STIL: variants seen among roughly 807,000 people sequenced by gnomAD.
STIL encodes the protein SCL-interrupting locus protein.
Under a neutral mutation model 110.1 loss-of-function variants are expected in STIL, and 55 were observed. That is an observed-to-expected ratio of 0.50 (90% CI 0.40 to 0.63). The LOEUF (loss-of-function observed/expected upper bound fraction) is 0.63, where lower values mean the gene tolerates loss of function less well. Ranked by LOEUF, STIL falls within the 20% of genes least tolerant of loss-of-function variation. STIL has a pLI of 0.00. For missense variants in STIL, 1,358 were observed against 1,530.0 expected, an observed-to-expected ratio of 0.89 and a Z score of 1.87; for synonymous variants, 481 against 530.0, an observed-to-expected ratio of 0.91 and a Z score of 1.27.
intron 10 of STIL, among the ~76,000 whole-genome samples, chr1:47,285,359 AC>A (rs1344438881): frequency 6.6e-6 from 1 of 152,182 alleles, no homozygotes; most frequent in Non-Finnish European, 1.5e-5. Context: ...GATTTGCCAA[AC>A]CTTCACAAAC....
chr1:47,302,512 G>A lies in STIL; in HGVS notation c.153-166C>T, dbSNP rs144253309. ...GGCAGGGGATACGGAGGGCCACTTG[G>A]AAACTAGAATGGCAATAAACAGACA... is the stretch of plus-strand genomic sequence containing the variant. On this transcript the variant is annotated intron_variant, in intron 3 of 16. Coordinates refer to ENST00000371877, the MANE Select transcript of STIL (RefSeq NM_001048166.1). 4.2e-3 allele frequency among the ~76,000 whole-genome samples: 638 copies of A among 152,282 alleles called. 2 individuals are homozygous for A. Among genetic ancestry groups the A allele is most frequent in the African/African-American group, 0.015 (608 of 41,556 alleles).
chr1:47,306,411 G>A (rs1206346298), intron 2 of STIL, among the ~76,000 whole-genome samples: 4 of 151,944 alleles, frequency 2.6e-5, no homozygotes, highest in Admixed American at 6.6e-5. Flanking sequence ...GCACCACCAC[G>A]TGAGATTTAC....
rs139708051 is a variant in STIL, at chr1:47,293,772, C to CGA, written c.786-230_786-229dup. ...TATAGACAGACATATAGATATATAT[C>CGA]GAGAGAGAGAGAGAGAAAGAGAGCA... On this transcript the variant is annotated intron_variant, in intron 7 of 16. Coordinates refer to ENST00000371877, the MANE Select transcript of STIL (RefSeq NM_001048166.1). Among the ~76,000 whole-genome samples the CGA allele has an allele frequency of 1.7e-3, 257 of 149,656 alleles. 2 individuals carry two copies. Among genetic ancestry groups the CGA allele is most frequent in the Middle Eastern group, 6.8e-3 (2 of 292 alleles).
In STIL at chr1:47,263,071, G is replaced by T. The variant is rs1258865782; in HGVS notation, c.2661C>A (p.Phe887Leu). ...TTTCTGCCAGCTGGCCACTTGGAAAGAACACAGGTACATCAGGTTCTTTTC... is the reference window on the plus strand; with the variant it reads ...TTTCTGCCAGCTGGCCACTTGGAAATAACACAGGTACATCAGGTTCTTTTC... ...VVRKEPDVPVFFPSGQLAESV... is the reference protein window; with the variant it reads ...VVRKEPDVPVLFPSGQLAESV... The change falls in exon 15 of 17, where the codon TTC (phenylalanine) becomes TTA (leucine). Residue 887 changes from phenylalanine to leucine, a missense_variant. Transcript: ENST00000371877. 1 of 1,614,088 alleles carries T rather than the reference G, an allele frequency of 6.2e-7. No individual in the cohort carries two copies. The highest frequency in any genetic ancestry group is 1.3e-5 in the African/African-American group (1 of 74,938).
intron 3 of STIL, among the ~76,000 whole-genome samples, chr1:47,304,637 T>A (rs1416365409): frequency 1.3e-5 from 2 of 152,192 alleles, no homozygotes; most frequent in African/African-American, 2.4e-5. Flanking sequence ...ACTTTCAGTT[T>A]TTACTATATT....
rs769059620 is a variant in STIL, at chr1:47,263,089, T to C, written c.2643A>G (p.Glu881=). 7 of 1,614,166 alleles carry C rather than the reference T, an allele frequency of 4.3e-6. No homozygotes were observed. Among genetic ancestry groups the C allele is most frequent in the African/African-American group, 2.7e-5 (2 of 75,064 alleles). The change falls in exon 15 of 17, where the codon GAA becomes GAG. Residue 881 remains glutamate, a synonymous_variant. Coordinates refer to ENST00000371877, the MANE Select transcript of STIL (RefSeq NM_001048166.1). ...TTGGAAAGAACACAGGTACATCAGG[T>C]TCTTTTCTCACAACTAGAGAAGAGC... ...SNSSSLVVRK[E]PDVPVFFPSG...
chr1:47,258,991 G>GTTTTTT (rs1557704421), intron 16 of STIL, among the ~76,000 whole-genome samples: 1 of 36,230 alleles, frequency 2.8e-5, no homozygotes, highest in Non-Finnish European at 6.2e-5. Context: ...AAGTAACTTT[G>GTTTTTT]CTTTTTTTTT....
In STIL at chr1:47,302,274, A is replaced by ATTTT; in HGVS notation, c.221_224dup (p.Asn75LysfsTer17). 1 of 1,612,674 alleles carries ATTTT rather than the reference A, an allele frequency of 6.2e-7. No homozygotes were observed. Among genetic ancestry groups the ATTTT allele is most frequent in the Non-Finnish European group, 8.5e-7 (1 of 1,178,920 alleles). Reference sequence around the variant, plus strand: ...GAGAACCAAGTAAAAAGCATGACGAATTTTTTTTATTCTGCTTAGCATGAC... The same window carrying ATTTT: ...GAGAACCAAGTAAAAAGCATGACGAATTTTTTTTTTTTATTCTGCTTAGCATGAC... On this transcript the variant is annotated frameshift_variant, in exon 4 of 17. Coordinates refer to ENST00000371877, the MANE Select transcript of STIL (RefSeq NM_001048166.1). LOFTEE classifies it high-confidence loss of function.
At chr1:47,294,995 C>T (rs879823528) in intron 7 of STIL, among the ~76,000 whole-genome samples, 31 of 152,072 alleles carry the variant, frequency 2.0e-4, no homozygotes, top group African/African-American at 6.5e-4. Flanking sequence ...AATCTCAGCT[C>T]ACTGCAACCT....
intron 16 of STIL, among the ~76,000 whole-genome samples, chr1:47,257,294 A>T (rs1002808459): frequency 1.3e-5 from 2 of 152,228 alleles, no homozygotes; most frequent in Non-Finnish European, 2.9e-5. Flanking sequence ...AACTAAATTT[A>T]ACTCTTATGT....
rs759013025 is a variant in STIL at position 47,260,451 on chromosome 1, C to T, written c.2918G>A (p.Arg973Lys). Residue 973 changes from arginine to lysine, a missense_variant, in exon 16 of 17, where the codon AGA (arginine) becomes AAA (lysine). Arg to Lys is a conservative substitution (Grantham distance 26). Transcript: ENST00000371877. The stretch of plus-strand genomic sequence containing the variant: ...CTTTGTATGGTAAACGTTTTGGGTT[C>T]TGGTGCATTCATGACTGATAATTAC... ...KAVIISHECT[R>K]TQNVYHTKKK... 2.2e-5 allele frequency: 36 copies of T among 1,614,014 alleles called. No individual in the cohort carries two copies. The highest frequency in any genetic ancestry group is 8.0e-5 in the African/African-American group (6 of 74,894).
At chr1:47,289,717 C>T in intron 8 of STIL, 132 bp from the exon 9 acceptor site, 1 of 841,346 alleles carries the variant, frequency 1.2e-6, no homozygotes, top group Non-Finnish European at 1.9e-6. Flanking sequence ...AAACTGGGGT[C>T]CACCACTTAG....
At chr1:47,256,830 A>G (rs978929377) in intron 16 of STIL, among the ~76,000 whole-genome samples, 1 of 151,924 alleles carries the variant, frequency 6.6e-6, no homozygotes, top group African/African-American at 2.4e-5. Context: ...CCCTGTCTCT[A>G]CTAAAAGTAC....
At chr1:47,291,579 TTTTATTTA>T (rs1553179019) in intron 8 of STIL, among the ~76,000 whole-genome samples, 1 of 151,964 alleles carries the variant, frequency 6.6e-6, no homozygotes, top group Non-Finnish European at 1.5e-5. Context: ...CTATTTTATT[TTTTATTTA>T]TTTATTTATT....
chr1:47,259,385 G>A (rs1001195917), intron 16 of STIL, among the ~76,000 whole-genome samples: 8 of 142,048 alleles, frequency 5.6e-5, no homozygotes, highest in African/African-American at 2.1e-4. Flanking sequence ...TGCCTCCCCG[G>A]GTTCAGGCAA....
In STIL at chr1:47,282,413, C is replaced by G; in HGVS notation, c.1180G>C (p.Asp394His). 6.2e-7 allele frequency: 1 copy of G among 1,613,202 alleles called. No homozygotes were observed. Among genetic ancestry groups the G allele is most frequent in the Non-Finnish European group, 8.5e-7 (1 of 1,179,774 alleles). The part of the protein sequence containing the change: ...SSGKMPIHDH[D>H]SGVEDEDFSP... ...AAATCTTCATCTTCAACACCAGAGT[C>G]GTGATCATGTATTGGCATCTTCCCA... Residue 394 changes from aspartate to histidine, a missense_variant, in exon 11 of 17, where the codon GAC (aspartate) becomes CAC (histidine). Coordinates refer to ENST00000371877, the MANE Select transcript of STIL (RefSeq NM_001048166.1).
intron 2 of STIL, among the ~76,000 whole-genome samples, chr1:47,305,532 G>A (rs187580098): frequency 1.3e-5 from 2 of 151,568 alleles, no homozygotes; most frequent in African/African-American, 2.4e-5. Flanking sequence ...AGGTTGAAGC[G>A]ATTCTCCAGC....
Position 47,301,718 on chromosome 1 carries a change from C to T in STIL, c.296G>A (p.Arg99His), listed in dbSNP as rs369023713. The T allele has an allele frequency of 3.2e-5, 51 of 1,613,926 alleles. No individual in the cohort carries two copies. The highest frequency in any genetic ancestry group is 2.6e-4 in the South Asian group (24 of 91,064). ...AGGTACTTCTCGACCAGGATCAAAG[C>T]GATCTACTGTCAATGTTACACCTTC... ...DEEGVTLTVD[R>H]FDPGREVPEC... Residue 99 changes from arginine to histidine, a missense_variant, in exon 5 of 17, where the codon CGC (arginine) becomes CAC (histidine). Coordinates refer to ENST00000371877, the MANE Select transcript of STIL (RefSeq NM_001048166.1).
In STIL at chr1:47,280,886, T is replaced by C. The variant is rs1329436645; in HGVS notation, c.1572A>G (p.Pro524=). 1.2e-6 allele frequency: 2 copies of C among 1,614,216 alleles called. No individual in the cohort carries two copies. The highest frequency in any genetic ancestry group is 1.1e-5 in the South Asian group (1 of 91,086). Residue 524 remains proline, a synonymous_variant, in exon 12 of 17, where the codon CCA becomes CCG. Coordinates refer to ENST00000371877, the MANE Select transcript of STIL (RefSeq NM_001048166.1). ...GNPHTRNSIK[P]SSHNGPSHDI... ...CATGAGATGGCCCATTATGAGAAGA[T>C]GGTTTAATACTGTTCCTGGTATGGG...
Sources: gnomAD v4.1 joint callset for allele counts (sites outside exome capture counted in the v4.1 genomes callset) on GRCh38, gnomAD v4.1.1 for gene constraint, MANE v1.5 for transcripts, NCBI Gene and HGNC (gene_info 2026-07-23, HGNC 2026-07-21) for gene names.